ZNF30: variants seen among roughly 807,000 people sequenced by gnomAD.
ZNF30 encodes the protein zinc finger protein 30 (KOX 28).
Under a neutral mutation model 13.2 loss-of-function variants are expected in ZNF30, and 15 were observed. The observed-to-expected ratio is 1.13, with a 90% CI of 0.76 to 1.75. ZNF30 has a LOEUF of 1.75. Ranked by LOEUF, ZNF30 falls within the 40% of genes most tolerant of loss-of-function variation. ZNF30 has a pLI of 0.00. For missense variants in ZNF30, 726 were observed against 757.0 expected, an observed-to-expected ratio of 0.96 and a Z score of 0.48; for synonymous variants, 223 against 256.6, an observed-to-expected ratio of 0.87 and a Z score of 1.25.
At chr19:34,936,542 C>T (rs1354360279) in intron 4 of ZNF30, among the ~76,000 whole-genome samples, 1 of 152,020 alleles carries the variant, frequency 6.6e-6, no homozygotes, top group Non-Finnish European at 1.5e-5. Context: ...GCAAAGATGC[C>T]AAGTGGGCTG....
chr19:34,939,095 C>T (rs2151671875), intron 4 of ZNF30, among the ~76,000 whole-genome samples: 1 of 148,642 alleles, frequency 6.7e-6, no homozygotes, highest in East Asian at 2.0e-4. Context: ...ACTCAGTCCA[C>T]ATGCAACTTA....
At chr19:34,933,867 A>T in intron 4 of ZNF30, 144 bp downstream of exon 4, 1 of 566,974 alleles carries the variant, frequency 1.8e-6, no homozygotes, top group Non-Finnish European at 3.2e-6. Context: ...CTTGGGTAAG[A>T]AATAAATATC....
At chr19:34,930,058 G>C in intron 2 of ZNF30, 102 bp downstream of exon 2, 1 of 1,194,694 alleles carries the variant, frequency 8.4e-7, no homozygotes, top group Non-Finnish European at 1.2e-6. Context: ...CCATCTAATT[G>C]CCTACTTGAT....
At chr19:34,932,121 G>A in intron 3 of ZNF30, 128 bp downstream of exon 3, 1 of 939,112 alleles carries the variant, frequency 1.1e-6, no homozygotes. Flanking sequence ...TTTGAGCTTT[G>A]TTAGGTTGGA....
At chr19:34,935,509 A>G (rs913412865) in intron 4 of ZNF30, among the ~76,000 whole-genome samples, 3 of 152,066 alleles carry the variant, frequency 2.0e-5, no homozygotes, top group African/African-American at 7.2e-5. Flanking sequence ...TCAGCCTGCT[A>G]TGCTTATGGA....
intron 4 of ZNF30, among the ~76,000 whole-genome samples, chr19:34,939,701 C>T (rs1014188692): frequency 3.3e-5 from 5 of 152,210 alleles, no homozygotes; most frequent in Admixed American, 2.0e-4. Context: ...TTTCGAGCAA[C>T]ACAGTAAGGA....
chr19:34,924,561 A>G (rs567140897), upstream of ZNF30, among the ~76,000 whole-genome samples: 1 of 152,276 alleles, frequency 6.6e-6, no homozygotes, highest in Non-Finnish European at 1.5e-5. Context: ...AGGGGACTAG[A>G]TGAGTCCTTA....
At chr19:34,943,050 C>T (rs904548183) in intron 4 of ZNF30, among the ~76,000 whole-genome samples, 173 bp from the exon 5 acceptor site, 1 of 151,274 alleles carries the variant, frequency 6.6e-6, no homozygotes. Flanking sequence ...TACTATTTTA[C>T]ATAAACACTT....
Position 34,938,972 on chromosome 19 carries a change from G to A in ZNF30, c.257-4251G>A, listed in dbSNP as rs529873403. ...CATTTCACAGAACTCAGTACCCTTA[G>A]CAATTCCACGGGCATGGTTTCCAGG... On this transcript the variant is annotated intron_variant, in intron 4 of 4. Coordinates refer to ENST00000601142, the MANE Select transcript of ZNF30 (RefSeq NM_194325.3). 4.6e-5 allele frequency among the ~76,000 whole-genome samples: 7 copies of A among 152,274 alleles called. No homozygotes were observed. In the East Asian group the frequency reaches 1.2e-3, roughly 25 times the overall value.
chr19:34,926,892 C>T (rs1260085581), upstream of ZNF30: 2 of 397,966 alleles, frequency 5.0e-6, no homozygotes, highest in Non-Finnish European at 8.9e-6. Context: ...CTCCGGGCGC[C>T]GGTGGGCGGC....
intron 1 of ZNF30, 64 bp downstream of exon 1, chr19:34,927,280 A>G (rs1053846268): frequency 5.7e-6 from 2 of 353,742 alleles, no homozygotes; most frequent in Non-Finnish European, 1.0e-5. Context: ...CAGGGCAGGG[A>G]GGGTGCGTCG....
At chr19:34,942,495 G>A in intron 4 of ZNF30, 1 of 401,936 alleles carries the variant, frequency 2.5e-6, no homozygotes, top group South Asian at 3.4e-5. Flanking sequence ...GGAAACCAAA[G>A]AATGAAGTGC....
Position 34,943,642 on chromosome 19 carries a change from C to G in ZNF30, c.676C>G (p.His226Asp). 6.2e-7 allele frequency: 1 copy of G among 1,613,678 alleles called. No homozygotes were observed. Among genetic ancestry groups the G allele is most frequent in the Non-Finnish European group, 8.5e-7 (1 of 1,179,786 alleles). The change falls in exon 5 of 5, where the codon CAT (histidine) becomes GAT (aspartate). Residue 226 changes from histidine to aspartate, a missense_variant. By Grantham distance (81) the His-to-Asp change is moderately conservative. Coordinates refer to ENST00000601142, the MANE Select transcript of ZNF30 (RefSeq NM_194325.3). ...SYQLTVHKSI[H>D]TGKKPYECGE... Reference sequence around the variant, plus strand: ...TCAACTTACAGTACATAAGAGTATTCATACTGGGAAGAAACCATATGAGTG... The same window carrying G: ...TCAACTTACAGTACATAAGAGTATTGATACTGGGAAGAAACCATATGAGTG...
chr19:34,924,971 A>T (rs1480404562), upstream of ZNF30, among the ~76,000 whole-genome samples: 2 of 152,234 alleles, frequency 1.3e-5, no homozygotes, highest in African/African-American at 4.8e-5. Flanking sequence ...ATTGACAGTC[A>T]AATGCTTTTG....
chr19:34,928,242 TATATATATATATAG>T (rs1278678323), intron 1 of ZNF30, among the ~76,000 whole-genome samples: 29 of 64,716 alleles, frequency 4.5e-4, no homozygotes, highest in South Asian at 1.2e-3. Flanking sequence ...TATATATATA[TATATATATATATAG>T]ATAGATAGAT....
rs1366544447 is a variant in ZNF30, at chr19:34,933,689, G to C, written c.222G>C (p.Val74=). 1.3e-6 allele frequency: 2 copies of C among 1,594,722 alleles called. No homozygotes were observed. The highest frequency in any genetic ancestry group is 2.7e-5 in the African/African-American group (2 of 74,592). ...TGGAACAATGGAAAGAGCCTGAAGT[G>C]ACAGTGAGGAAAGATGGAAGAAGAT... The part of the protein sequence containing the change: ...ALLEQWKEPE[V]TVRKDGRRWC... Residue 74 remains valine (V), a synonymous_variant, in exon 4 of 5, where the codon GTG becomes GTC. Coordinates refer to ENST00000601142, the MANE Select transcript of ZNF30 (RefSeq NM_194325.3).
At chr19:34,937,685 C>T (rs915576790) in intron 4 of ZNF30, among the ~76,000 whole-genome samples, 12 of 151,292 alleles carry the variant, frequency 7.9e-5, no homozygotes, top group Non-Finnish European at 1.5e-4. Context: ...AGTGAGTCTG[C>T]GCTCCAGCCT....
chr19:34,928,220 AAT>A lies in ZNF30; in HGVS notation c.-65+1038_-65+1039del, dbSNP rs374649415. ...GAGATCCCTTCTCTAAAAAAAAAAA[AAT>A]ATATATATATATATATATATATATA... On this transcript the variant is annotated intron_variant, in intron 1 of 4. Transcript: ENST00000601142. Among the ~76,000 whole-genome samples the A allele has an allele frequency of 3.1e-3, 225 of 73,366 alleles. 1 individual carries two copies. Among genetic ancestry groups the A allele is most frequent in the Middle Eastern group, 9.6e-3 (1 of 104 alleles). 48.1% of individuals were successfully genotyped at this position (73,366 alleles called of 152,430 possible). A position where few individuals can be genotyped will look rare whatever the true frequency, so the allele number is the denominator to read the frequency against.
intron 2 of ZNF30, among the ~76,000 whole-genome samples, chr19:34,931,039 CTT>C (rs56153327): frequency 2.0e-4 from 25 of 122,496 alleles, no homozygotes; most frequent in East Asian, 2.3e-4. Context: ...TTCTTTTTTT[CTT>C]TTTTTTTTTT....
Sources: allele counts gnomAD v4.1 joint callset (sites outside exome capture counted in the v4.1 genomes callset), GRCh38; gene constraint gnomAD v4.1.1; transcripts MANE v1.5; gene names NCBI Gene and HGNC (gene_info 2026-07-23, HGNC 2026-07-21).